The following PIK3CA variants were observed in gnomAD, a reference collection of about 807,000 sequenced individuals.
PIK3CA encodes the protein phosphatidylinositol-4,5-bisphosphate 3-kinase catalytic subunit alpha, also known as phosphatidylinositol 4,5-bisphosphate 3-kinase catalytic subunit alpha isoform.
Under a neutral mutation model 138.2 loss-of-function variants are expected in PIK3CA, and 27 were observed. That is an observed-to-expected ratio of 0.20 (90% confidence interval 0.14 to 0.27). The LOEUF is 0.27. Ranked by LOEUF, PIK3CA falls within the 10% of genes least tolerant of loss-of-function variation. The pLI, the probability that PIK3CA is intolerant of heterozygous loss-of-function variation, is 1.00. For missense variants in PIK3CA, 544 were observed against 1,277.4 expected (o/e 0.43, Z 8.75); for synonymous variants, 358 against 413.2 (o/e 0.87, Z 1.62).
intron 9 of PIK3CA, among the ~76,000 whole-genome samples, chr3:179,212,062 C>A (rs1724725579): frequency 6.6e-6 from 1 of 151,848 alleles, no homozygotes; most frequent in Non-Finnish European, 1.5e-5. Flanking sequence ...GGCTAGAGTG[C>A]AATGGCACAA....
At chr3:179,203,896 A>G in intron 5 of PIK3CA, 107 bp downstream of exon 5, 1 of 742,574 alleles carries the variant, frequency 1.3e-6, no homozygotes, top group Admixed American at 2.8e-5. Flanking sequence ...TCAGATGGTT[A>G]GGAGAACATC....
Position 179,162,502 on chromosome 3 carries a change from T to C in PIK3CA, c.-77+13899T>C, listed in dbSNP as rs146225623. Among the ~76,000 whole-genome samples, 407 of 152,122 alleles carry C rather than the reference T, an allele frequency of 2.7e-3. 1 individual carries two copies. The highest frequency in any genetic ancestry group is 9.5e-3 in the African/African-American group (393 of 41,472). On this transcript the variant is annotated intron_variant, in intron 1 of 20. Transcript: ENST00000263967. ...TTGGGATTACATGCCTAAGTTAGAC[T>C]TAATATCATACCCGGCCTGGTATGA...
intron 3 of PIK3CA, among the ~76,000 whole-genome samples, chr3:179,200,612 T>C (rs1261994846): frequency 2.0e-5 from 3 of 152,196 alleles, no homozygotes; most frequent in Non-Finnish European, 4.4e-5. Flanking sequence ...CAAAATTCTT[T>C]TCTATTCTAG....
chr3:179,231,494 TGC>T (rs1010840576), intron 20 of PIK3CA, among the ~76,000 whole-genome samples: 2 of 152,040 alleles, frequency 1.3e-5, no homozygotes, highest in African/African-American at 4.8e-5. Context: ...TGGCCATTCT[TGC>T]AGGAGTAAGG....
At chr3:179,166,312 CTG>C (rs1187416749) in intron 1 of PIK3CA, among the ~76,000 whole-genome samples, 1 of 152,166 alleles carries the variant, frequency 6.6e-6, no homozygotes, top group Non-Finnish European at 1.5e-5. Context: ...TAGAGAATAA[CTG>C]TAAAATTACC....
intron 9 of PIK3CA, among the ~76,000 whole-genome samples, chr3:179,217,703 T>TG (rs1724868897): frequency 6.6e-6 from 1 of 152,094 alleles, no homozygotes; most frequent in Non-Finnish European, 1.5e-5. Flanking sequence ...AGTGTTTTAA[T>TG]GGGGGTGTTT....
chr3:179,158,395 C>T (rs1723192406), intron 1 of PIK3CA, among the ~76,000 whole-genome samples: 1 of 152,088 alleles, frequency 6.6e-6, no homozygotes, highest in Non-Finnish European at 1.5e-5. Flanking sequence ...TTTTCCCTGT[C>T]CATTCCTGGA....
At chr3:179,148,785 C>T (rs1193233307) in intron 1 of PIK3CA, among the ~76,000 whole-genome samples, 182 bp downstream of exon 1, 1 of 152,116 alleles carries the variant, frequency 6.6e-6, no homozygotes, top group African/African-American at 2.4e-5. Context: ...TGCCTCTGGC[C>T]TCTCCTAGCT....
chr3:179,163,953 A>T (rs530251552), intron 1 of PIK3CA, among the ~76,000 whole-genome samples: 1 of 152,178 alleles, frequency 6.6e-6, no homozygotes, highest in African/African-American at 2.4e-5. Context: ...AAATCAACAT[A>T]CAGTTTGACC....
chr3:179,194,306 C>T (rs13062777), intron 1 of PIK3CA, among the ~76,000 whole-genome samples: 3 of 152,160 alleles, frequency 2.0e-5, no homozygotes, highest in African/African-American at 4.8e-5. Context: ...TTGCTGCAGC[C>T]TTGACCTCCC....
chr3:179,232,648 T>C (rs548637213), intron 20 of PIK3CA, among the ~76,000 whole-genome samples: 1 of 152,228 alleles, frequency 6.6e-6, no homozygotes, highest in South Asian at 2.1e-4. Flanking sequence ...TGAAAAATGA[T>C]GGTGACAGTG....
chr3:179,201,947 A>C (rs768509678), intron 4 of PIK3CA, among the ~76,000 whole-genome samples: 2 of 152,078 alleles, frequency 1.3e-5, no homozygotes, highest in Non-Finnish European at 2.9e-5. Flanking sequence ...AAGTAATATT[A>C]GTAAATAGCG....
At chr3:179,198,089 A>C (rs548438285) in intron 1 of PIK3CA, among the ~76,000 whole-genome samples, 66 of 152,346 alleles carry the variant, frequency 4.3e-4, no homozygotes, top group Non-Finnish European at 6.8e-4. Flanking sequence ...TTCATTGATG[A>C]CACTTTCTAA....
intron 1 of PIK3CA, among the ~76,000 whole-genome samples, chr3:179,155,392 G>T (rs1723109379): frequency 6.6e-6 from 1 of 152,096 alleles, no homozygotes; most frequent in Non-Finnish European, 1.5e-5. Flanking sequence ...ATTGCTGTGT[G>T]CCAGTCTTAT....
chr3:179,234,411 C>T lies in PIK3CA; in HGVS notation c.*47C>T, dbSNP rs1222089977. On this transcript the variant is annotated 3_prime_UTR_variant, in exon 21 of 21. Coordinates refer to ENST00000263967, the MANE Select transcript of PIK3CA (RefSeq NM_006218.4). This position sits in a 1 kb window ranked among gnomAD's most constrained non-coding sequence, Gnocchi z 5.1. ...AGCTCACTCTGGATTCCACACTGCA[C>T]TGTTAATAACTCTCAGCAGGCAAAG... 6 of 1,497,756 alleles carry T rather than the reference C, an allele frequency of 4.0e-6. No homozygotes were observed. Among genetic ancestry groups the T allele is most frequent in the Non-Finnish European group, 5.4e-6 (6 of 1,104,170 alleles). 92.8% of individuals were successfully genotyped at this position (1,497,756 alleles called of 1,614,324 possible). A position where few individuals can be genotyped will look rare whatever the true frequency, so the allele number is the denominator to read the frequency against.
At chr3:179,186,519 T>C (rs1212809349) in intron 1 of PIK3CA, among the ~76,000 whole-genome samples, 1 of 152,230 alleles carries the variant, frequency 6.6e-6, no homozygotes, top group Admixed American at 6.5e-5. Context: ...CTTTTTTCTT[T>C]AATAAATCCA....
intron 14 of PIK3CA, among the ~76,000 whole-genome samples, chr3:179,221,937 G>A (rs1421707992): frequency 6.6e-6 from 1 of 151,492 alleles, no homozygotes; most frequent in Non-Finnish European, 1.5e-5. Context: ...CCAATTCCTG[G>A]GCTCAAGCAG....
intron 17 of PIK3CA, among the ~76,000 whole-genome samples, chr3:179,226,537 CA>C (rs1725087172): frequency 6.6e-6 from 1 of 152,080 alleles, no homozygotes; most frequent in South Asian, 2.1e-4. Flanking sequence ...TTCTCCTAGT[CA>C]TTGTTGCTTC....
chr3:179,233,485 G>T, intron 20 of PIK3CA: 1 of 393,518 alleles, frequency 2.5e-6, no homozygotes, highest in Non-Finnish European at 4.5e-6. Flanking sequence ...AATTTAATTT[G>T]TTGAGCTAAT....
Sources: allele counts gnomAD v4.1 joint callset (sites outside exome capture counted in the v4.1 genomes callset), GRCh38; gene constraint gnomAD v4.1.1; non-coding constraint Gnocchi (gnomAD v3.1); transcripts MANE v1.5; gene names NCBI Gene and HGNC (gene_info 2026-07-23, HGNC 2026-07-21).